The following FMNL3 variants were observed in gnomAD, a reference collection of about 807,000 sequenced individuals.
FMNL3 encodes the protein formin like 3.
In FMNL3, 57 loss-of-function variants were observed where a neutral mutation model predicts 119.6. The ratio of observed to expected loss-of-function variants is 0.48; its 90% CI spans 0.39 to 0.59. The LOEUF (loss-of-function observed/expected upper bound fraction) is 0.59, where lower values mean the gene tolerates loss of function less well. Among genes scored for constraint, FMNL3 ranks in the 20% least tolerant of loss-of-function variants. The probability of loss-of-function intolerance (pLI) is 0.00; values close to 1 mark genes in which losing one functional copy is unlikely to be tolerated. For synonymous variants in FMNL3, 491 were observed against 507.3 expected (o/e 0.97, Z 0.43); for missense variants, 1,053 against 1,323.5 (o/e 0.80, Z 3.17).
intron 1 of FMNL3, among the ~76,000 whole-genome samples, chr12:49,678,456 T>A (rs1383671099): frequency 6.6e-6 from 1 of 151,910 alleles, no homozygotes; most frequent in Non-Finnish European, 1.5e-5. Flanking sequence ...ACACTCGGCA[T>A]TATTTTTATT....
rs1358761008 is a variant in FMNL3, at chr12:49,642,454, G to A, written c.*3361C>T. On this transcript the variant is annotated 3_prime_UTR_variant, in exon 26 of 26. Transcript: ENST00000335154. The surrounding 1 kb of genome is among the most constrained non-coding windows in gnomAD (Gnocchi z 5.8). ...ACCACTGAGGGCCCACCCCAGTCAC[G>A]TCACAGCCCTGGGCCAGCTCCAGTT... 8.2e-6 allele frequency: 13 copies of A among 1,578,890 alleles called. No homozygotes were observed. The highest frequency in any genetic ancestry group is 3.3e-5 in the South Asian group (3 of 89,796).
chr12:49,659,175 G>A (rs1943662496), intron 5 of FMNL3, among the ~76,000 whole-genome samples: 1 of 152,186 alleles, frequency 6.6e-6, no homozygotes, highest in Non-Finnish European at 1.5e-5. Flanking sequence ...GTTTGGAGGA[G>A]CACCACTGCC....
In FMNL3 at chr12:49,643,774, T is replaced by A. The variant is rs2138674828; in HGVS notation, c.*2041A>T. ...GTCGGTGAGTGAAGGAACTTCTACC[T>A]AAGCCCCTGCTATTTTGTGAGTTCT... On this transcript the variant is annotated 3_prime_UTR_variant, in exon 26 of 26. Coordinates refer to ENST00000335154, the MANE Select transcript of FMNL3 (RefSeq NM_175736.5). 1 of 1,613,716 alleles carries A rather than the reference T, an allele frequency of 6.2e-7. No homozygotes were observed. Among genetic ancestry groups the A allele is most frequent in the East Asian group, 2.2e-5 (1 of 44,884 alleles).
At chr12:49,679,889 T>C (rs1250868729) in intron 1 of FMNL3, among the ~76,000 whole-genome samples, 1 of 152,212 alleles carries the variant, frequency 6.6e-6, no homozygotes, top group African/African-American at 2.4e-5. Flanking sequence ...CGATAACTCT[T>C]GTATTTACAA....
intron 1 of FMNL3, among the ~76,000 whole-genome samples, chr12:49,680,934 G>A (rs1272136608): frequency 6.6e-6 from 1 of 152,300 alleles, no homozygotes; most frequent in Non-Finnish European, 1.5e-5. Context: ...TACCATGTTC[G>A]CCCATCTCCT....
chr12:49,690,243 T>C (rs996348924), intron 1 of FMNL3, among the ~76,000 whole-genome samples: 4 of 152,212 alleles, frequency 2.6e-5, no homozygotes, highest in African/African-American at 9.7e-5. Flanking sequence ...TTATCTTCTA[T>C]TTATTTTGTA....
intron 25 of FMNL3, chr12:49,646,627 G>T: frequency 6.7e-7 from 1 of 1,500,234 alleles, no homozygotes. Context: ...GGGCAGCTGC[G>T]GTGCCCAGTA....
At chr12:49,688,315 C>T (rs919866471) in intron 1 of FMNL3, 10 of 432,964 alleles carry the variant, frequency 2.3e-5, no homozygotes, top group Admixed American at 2.2e-4. Flanking sequence ...GAGACAGATT[C>T]CAGGATTCTC....
At position 49,645,444 on chromosome 12, in the gene FMNL3, A is replaced by G. The variant is rs1555215627; in HGVS notation, c.*371T>C. On this transcript the variant is annotated 3_prime_UTR_variant, in exon 26 of 26. Transcript: ENST00000335154. ...ACCAGAGCTGACCATGGGCCTGCAA[A>G]AAGGAAGGGAAAAAAAAAGAAAGAA... 1 of 191,164 alleles carries G rather than the reference A, an allele frequency of 5.2e-6. No homozygotes were observed. Among genetic ancestry groups the G allele is most frequent in the Non-Finnish European group, 1.1e-5 (1 of 93,352 alleles). 11.8% of individuals were successfully genotyped at this position (191,164 alleles called of 1,614,324 possible).
intron 1 of FMNL3, among the ~76,000 whole-genome samples, chr12:49,700,598 CCA>C (rs1418089200): frequency 2.0e-5 from 3 of 149,800 alleles, no homozygotes; most frequent in African/African-American, 7.4e-5. Flanking sequence ...ACCTGTAATC[CCA>C]GTTACTCAGG....
chr12:49,681,723 A>AT (rs59364876), intron 1 of FMNL3, among the ~76,000 whole-genome samples: 1,961 of 143,124 alleles, frequency 0.014, 22 homozygotes, highest in East Asian at 0.052. Context: ...CGCTTGGCTA[A>AT]TTTTTTTTTT....
chr12:49,669,503 G>T (rs1486960828), intron 1 of FMNL3, among the ~76,000 whole-genome samples: 1 of 152,130 alleles, frequency 6.6e-6, no homozygotes, highest in Non-Finnish European at 1.5e-5. Context: ...TCATCAGTCT[G>T]GCTGTCTTTG....
intron 1 of FMNL3, among the ~76,000 whole-genome samples, chr12:49,686,327 A>T (rs1944457034): frequency 6.6e-6 from 1 of 151,278 alleles, no homozygotes; most frequent in Non-Finnish European, 1.5e-5. Flanking sequence ...CACACCTGTA[A>T]TCCCAGCACT....
chr12:49,706,943 C>G, intron 1 of FMNL3, 112 bp downstream of exon 1: 1 of 1,258,178 alleles, frequency 7.9e-7, no homozygotes, highest in Non-Finnish European at 1.1e-6. Context: ...GGGATCCGTT[C>G]GGGACCCCGA....
At chr12:49,668,197 A>G (rs1196582642) in intron 2 of FMNL3, among the ~76,000 whole-genome samples, 1 of 138,846 alleles carries the variant, frequency 7.2e-6, no homozygotes, top group Non-Finnish European at 1.6e-5. Context: ...TGCACAGCCA[A>G]TCCTATACCC....
At position 49,636,593 on chromosome 12, in the gene FMNL3, TC is replaced by T; in HGVS notation, c.*9221del. Reference sequence around the variant, plus strand: ...TCCCACAGAGCCCCCTCCAGGCCCTTCCCCCACCACCCTGGGTATCCCTAGC... The same window carrying T: ...TCCCACAGAGCCCCCTCCAGGCCCTTCCCCACCACCCTGGGTATCCCTAGC... On this transcript the variant is annotated 3_prime_UTR_variant, in exon 26 of 26. Transcript: ENST00000335154. 1 of 1,382,494 alleles carries T rather than the reference TC, an allele frequency of 7.2e-7. No homozygotes were observed. Among genetic ancestry groups the T allele is most frequent in the Non-Finnish European group, 1.0e-6 (1 of 1,001,848 alleles). The allele number at this position is 1,382,494 out of a possible 1,614,324, so 85.6% of individuals were successfully genotyped here.
rs1283408855 is a variant in FMNL3 at position 49,643,935 on chromosome 12, C to A, written c.*1880G>T. 1 of 1,614,168 alleles carries A rather than the reference C, an allele frequency of 6.2e-7. No homozygotes were observed. The highest frequency in any genetic ancestry group is 8.5e-7 in the Non-Finnish European group (1 of 1,180,044). ...GCGATGAGAAAGAACAAGAACAGGA[C>A]AAGGACAGGGAGCTCCAACAGGCAG... On this transcript the variant is annotated 3_prime_UTR_variant, in exon 26 of 26. Transcript: ENST00000335154.
chr12:49,683,109 G>A (rs1469975771), intron 1 of FMNL3, among the ~76,000 whole-genome samples: 2 of 152,158 alleles, frequency 1.3e-5, no homozygotes, highest in Non-Finnish European at 2.9e-5. Flanking sequence ...CAACAACTGT[G>A]CTTCTCTCCT....
At chr12:49,648,929 C>T in intron 21 of FMNL3, 100 bp downstream of exon 21, 3 of 1,489,230 alleles carry the variant, frequency 2.0e-6, no homozygotes, top group Non-Finnish European at 2.7e-6. Flanking sequence ...ATAACAAAAG[C>T]CAGAAACAAA....
Sources: gnomAD v4.1 joint callset for allele counts (sites outside exome capture counted in the v4.1 genomes callset) on GRCh38, gnomAD v4.1.1 for gene constraint, Gnocchi (gnomAD v3.1) non-coding constraint, MANE v1.5 for transcripts, NCBI Gene and HGNC (gene_info 2026-07-23, HGNC 2026-07-21) for gene names.